The following CNTN5 variants were observed in gnomAD, a reference collection of about 807,000 sequenced individuals.
CNTN5 encodes contactin-5.
CNTN5 carries 77 observed loss-of-function variants against 129.1 expected under a neutral mutation model. The ratio of observed to expected loss-of-function variants is 0.60; its 90% CI spans 0.50 to 0.72. The LOEUF (loss-of-function observed/expected upper bound fraction) is 0.72, where lower values mean the gene tolerates loss of function less well. Among genes scored for constraint, CNTN5 ranks in the 30% least tolerant of loss-of-function variants. The probability of loss-of-function intolerance (pLI) is 0.00; values close to 1 mark genes in which losing one functional copy is unlikely to be tolerated. For synonymous variants in CNTN5, 509 were observed against 465.6 expected, an observed-to-expected ratio of 1.09 and a Z score of -1.20; for missense variants, 1,478 against 1,328.8, an observed-to-expected ratio of 1.11 and a Z score of -1.75.
intron 16 of CNTN5, among the ~76,000 whole-genome samples, chr11:100,230,524 T>C (rs1157910743): frequency 2.0e-5 from 3 of 152,228 alleles, no homozygotes; most frequent in African/African-American, 7.2e-5. Context: ...AGCTTTAGTT[T>C]GGCTCATTGA....
At chr11:99,534,691 A>G (rs964014150) in intron 2 of CNTN5, among the ~76,000 whole-genome samples, 1 of 152,130 alleles carries the variant, frequency 6.6e-6, no homozygotes, top group Non-Finnish European at 1.5e-5. Flanking sequence ...TTGTGACATA[A>G]TTTGAATATC....
intron 9 of CNTN5, among the ~76,000 whole-genome samples, chr11:100,034,644 C>G (rs574435106): frequency 1.3e-5 from 2 of 152,334 alleles, no homozygotes; most frequent in South Asian, 2.1e-4. Context: ...TGGAGCACAG[C>G]CATGTCCATT....
At chr11:100,238,815 C>G (rs1235628849) in intron 16 of CNTN5, among the ~76,000 whole-genome samples, 3 of 152,156 alleles carry the variant, frequency 2.0e-5, no homozygotes, top group South Asian at 2.1e-4. Context: ...AATAGGTGAT[C>G]TAAGCTCATT....
At chr11:99,028,764 A>C (rs1863223142) in intron 1 of CNTN5, among the ~76,000 whole-genome samples, 1 of 151,948 alleles carries the variant, frequency 6.6e-6, no homozygotes, top group African/African-American at 2.4e-5. Flanking sequence ...TATATGTTAT[A>C]AATAAGACTG....
intron 2 of CNTN5, among the ~76,000 whole-genome samples, chr11:99,405,201 CTT>C (rs1942018910): frequency 6.6e-6 from 1 of 151,940 alleles, no homozygotes; most frequent in African/African-American, 2.4e-5. Context: ...TTGAGGTAGG[CTT>C]CTTTGAGTTA....
intron 3 of CNTN5, among the ~76,000 whole-genome samples, chr11:99,583,990 T>C (rs1949707532): frequency 6.6e-6 from 1 of 152,136 alleles, no homozygotes; most frequent in Admixed American, 6.5e-5. Flanking sequence ...ATTTTCATTG[T>C]GTTTATTTAT....
intron 1 of CNTN5, among the ~76,000 whole-genome samples, chr11:99,239,942 A>AAC (rs374849182): frequency 0.061 from 8,023 of 131,614 alleles, 258 homozygotes; most frequent in African/African-American, 0.084. Flanking sequence ...GTCTCAAAAA[A>AAC]AAAAAAAAAA....
intron 3 of CNTN5, among the ~76,000 whole-genome samples, chr11:99,793,314 C>T (rs188748925): frequency 7.0e-4 from 106 of 152,296 alleles, no homozygotes; most frequent in African/African-American, 2.4e-3. Flanking sequence ...CTGCCTCGGC[C>T]TCCCAAAGTG....
chr11:99,376,553 A>ATCT (rs1940192906), intron 2 of CNTN5, among the ~76,000 whole-genome samples: 1 of 152,222 alleles, frequency 6.6e-6, no homozygotes, highest in African/African-American at 2.4e-5. Flanking sequence ...CAGATGTCTA[A>ATCT]CAATGACAAA....
intron 2 of CNTN5, among the ~76,000 whole-genome samples, chr11:99,396,192 A>G (rs1941514574): frequency 6.9e-6 from 1 of 144,436 alleles, no homozygotes. Flanking sequence ...TGTTTTTTTC[A>G]TTTGTTTGTG....
intron 3 of CNTN5, among the ~76,000 whole-genome samples, chr11:99,659,987 CAGAGG>C (rs1490139617): frequency 2.6e-5 from 4 of 151,936 alleles, no homozygotes; most frequent in Non-Finnish European, 4.4e-5. Flanking sequence ...GGCAACTGAG[CAGAGG>C]AAAGATAATC....
At chr11:99,694,707 C>T (rs1224807428) in intron 3 of CNTN5, among the ~76,000 whole-genome samples, 1 of 151,918 alleles carries the variant, frequency 6.6e-6, no homozygotes, top group Non-Finnish European at 1.5e-5. Context: ...GTGTGATGTT[C>T]CTCTCCCTGT....
At chr11:99,673,392 T>A (rs117996914) in intron 3 of CNTN5, among the ~76,000 whole-genome samples, 2,087 of 152,292 alleles carry the variant, frequency 0.014, 21 homozygotes, top group Admixed American at 0.02. Context: ...ATGGTACGGA[T>A]TCAATGACTT....
chr11:99,860,878 A>G (rs1467375248), intron 6 of CNTN5, among the ~76,000 whole-genome samples: 2 of 151,010 alleles, frequency 1.3e-5, no homozygotes, highest in Non-Finnish European at 2.9e-5. Flanking sequence ...TTGAATCTGT[A>G]GATTACTTTG....
At chr11:99,911,786 C>G (rs116812632) in intron 6 of CNTN5, among the ~76,000 whole-genome samples, 66 of 151,204 alleles carry the variant, frequency 4.4e-4, no homozygotes, top group African/African-American at 1.6e-3. Context: ...TGCCAAGTTT[C>G]TCTGCCAACT....
intron 1 of CNTN5, among the ~76,000 whole-genome samples, chr11:99,268,619 G>A (rs1432620250): frequency 6.6e-6 from 1 of 151,904 alleles, no homozygotes; most frequent in East Asian, 1.9e-4. Flanking sequence ...AAGCCAAAAT[G>A]TCTGGTATGG....
intron 2 of CNTN5, among the ~76,000 whole-genome samples, chr11:99,404,073 C>T (rs1405479345): frequency 1.3e-5 from 2 of 151,934 alleles, no homozygotes; most frequent in East Asian, 1.9e-4. Context: ...TTTTTATATC[C>T]TCTTGCTGAA....
chr11:99,269,021 T>G (rs1863042217), intron 1 of CNTN5, among the ~76,000 whole-genome samples: 1 of 151,962 alleles, frequency 6.6e-6, no homozygotes, highest in African/African-American at 2.4e-5. Flanking sequence ...ATTACAGGCT[T>G]GTATTTCCTG....
At chr11:100,133,231 T>C (rs1011631146) in intron 13 of CNTN5, among the ~76,000 whole-genome samples, 9 of 152,132 alleles carry the variant, frequency 5.9e-5, no homozygotes, top group African/African-American at 2.2e-4. Flanking sequence ...CCCATCACCC[T>C]TCACACAGGC....
Sources: gnomAD v4.1 joint callset for allele counts (sites outside exome capture counted in the v4.1 genomes callset) on GRCh38, gnomAD v4.1.1 for gene constraint, MANE v1.5 for transcripts, NCBI Gene and HGNC (gene_info 2026-07-23, HGNC 2026-07-21) for gene names.